The following MEGF6 variants were observed in gnomAD, a reference collection of about 807,000 sequenced individuals.
The protein encoded by MEGF6 is multiple EGF like domains 6, also known as multiple epidermal growth factor-like domains protein 6.
MEGF6 carries 184 observed loss-of-function variants against 207.1 expected under a neutral mutation model. The observed-to-expected ratio is 0.89, with a 90% CI of 0.79 to 1.00. MEGF6 has a LOEUF of 1.00. Among genes scored for constraint, MEGF6 ranks in the 50% least tolerant of loss-of-function variants. MEGF6 has a pLI of 0.00. For synonymous variants in MEGF6, 1,038 were observed against 910.0 expected, an observed-to-expected ratio of 1.14 and a Z score of -2.53; for missense variants, 2,282 against 2,202.9, an observed-to-expected ratio of 1.04 and a Z score of -0.72.
chr1:3,490,791 G>A, intron 36 of MEGF6, 121 bp downstream of exon 36: 1 of 1,350,658 alleles, frequency 7.4e-7, no homozygotes, highest in Non-Finnish European at 1.0e-6. Flanking sequence ...GATTCCTGGG[G>A]CCCAAGGCCC....
Position 3,493,903 on chromosome 1 carries a change from G to T in MEGF6, c.4259-4C>A. 6.3e-7 allele frequency: 1 copy of T among 1,587,258 alleles called. No individual in the cohort carries two copies. The highest frequency in any genetic ancestry group is 1.8e-5 in the Admixed American group (1 of 55,518). Reference sequence around the variant, plus strand: ...CCAAATGAACCTGGCTCACACCCTGGTGGGGGCAGTGGGCTCAGTGTCCCC... The same window carrying T: ...CCAAATGAACCTGGCTCACACCCTGTTGGGGGCAGTGGGCTCAGTGTCCCC... On this transcript the variant is annotated splice_polypyrimidine_tract_variant and splice_region_variant and intron_variant, in intron 33 of 36. Transcript: ENST00000356575.
chr1:3,587,228 C>T (rs989417249), intron 3 of MEGF6, among the ~76,000 whole-genome samples: 3 of 152,352 alleles, frequency 2.0e-5, no homozygotes, highest in Admixed American at 1.3e-4. Context: ...GAGGACTCCG[C>T]GGTCATAACA....
chr1:3,505,057 GGC>G, intron 17 of MEGF6, 149 bp downstream of exon 17: 2 of 1,116,506 alleles, frequency 1.8e-6, no homozygotes, highest in East Asian at 2.4e-5. Context: ...CCGGTAGCAA[GGC>G]AACACCGGTA....
At chr1:3,603,348 G>A (rs1302884260) in intron 1 of MEGF6, among the ~76,000 whole-genome samples, 1 of 151,982 alleles carries the variant, frequency 6.6e-6, no homozygotes, top group African/African-American at 2.4e-5. Context: ...ACAGCCACAC[G>A]GGCCAGCACC....
chr1:3,593,342 C>A (rs1320933983), intron 3 of MEGF6, among the ~76,000 whole-genome samples: 1 of 152,194 alleles, frequency 6.6e-6, no homozygotes, highest in African/African-American at 2.4e-5. Context: ...TAGCCAGAGC[C>A]CAGCTCGGGG....
chr1:3,550,745 G>A (rs964336786), intron 4 of MEGF6, among the ~76,000 whole-genome samples: 23 of 152,248 alleles, frequency 1.5e-4, no homozygotes, highest in Admixed American at 1.1e-3. Flanking sequence ...GCAGGGCTCC[G>A]AAGACCCAGC....
At chr1:3,541,112 C>T (rs1480134377) in intron 4 of MEGF6, among the ~76,000 whole-genome samples, 1 of 152,178 alleles carries the variant, frequency 6.6e-6, no homozygotes, top group Non-Finnish European at 1.5e-5. Flanking sequence ...GCACCTGTCC[C>T]CTCTGCCACC....
chr1:3,501,113 G>A lies in MEGF6; in HGVS notation c.2447-19C>T, dbSNP rs1486070446. ...GGGCACACTACAGGCAGGCGAGAGA[G>A]GGTGAGTGGGGCCTGGCCACCTACC... On this transcript the variant is annotated intron_variant, in intron 19 of 36. Coordinates refer to ENST00000356575, the MANE Select transcript of MEGF6 (RefSeq NM_001409.4). The A allele has an allele frequency of 1.2e-6, 2 of 1,612,542 alleles. No individual in the cohort carries two copies. Among genetic ancestry groups the A allele is most frequent in the Admixed American group, 3.3e-5 (2 of 59,992 alleles).
intron 4 of MEGF6, among the ~76,000 whole-genome samples, chr1:3,534,191 T>C (rs1642258336): frequency 6.6e-6 from 1 of 152,004 alleles, no homozygotes; most frequent in South Asian, 2.1e-4. Context: ...CGTGCTAGCG[T>C]CACACATGTC....
At position 3,489,308 on chromosome 1, in the gene MEGF6, G is replaced by A. The variant is rs572349370; in HGVS notation, c.*1220C>T. 1.3e-5 allele frequency among the ~76,000 whole-genome samples: 2 copies of A among 152,214 alleles called. No individual in the cohort carries two copies. Among genetic ancestry groups the A allele is most frequent in the African/African-American group, 4.8e-5 (2 of 41,452 alleles). ...TCTGCCCTGGGGCCTCAGCTACCTT[G>A]GCTGGTTTTAGGGTGATGGGGGCGG... On this transcript the variant is annotated 3_prime_UTR_variant, in exon 37 of 37. Coordinates refer to ENST00000356575, the MANE Select transcript of MEGF6 (RefSeq NM_001409.4).
chr1:3,497,847 C>T (rs541770694), intron 26 of MEGF6, among the ~76,000 whole-genome samples: 87 of 152,278 alleles, frequency 5.7e-4, no homozygotes, highest in African/African-American at 1.8e-3. Flanking sequence ...GTGGGGACGG[C>T]GCCTCTGCTG....
At chr1:3,502,287 C>G (rs958701036) in intron 17 of MEGF6, among the ~76,000 whole-genome samples, 2 of 152,102 alleles carry the variant, frequency 1.3e-5, no homozygotes, top group African/African-American at 4.8e-5. Flanking sequence ...CCTCGGCCAT[C>G]CAGGACCCTG....
Position 3,515,535 on chromosome 1 carries a change from C to G in MEGF6, c.605-8G>C, listed in dbSNP as rs1641512018. On this transcript the variant is annotated splice_region_variant and splice_polypyrimidine_tract_variant and intron_variant, in intron 5 of 36. Transcript: ENST00000356575. ...GGGCGCAGGAGTTAATGGCTGGGGA[C>G]ACAGGGAGGACCCCAAGTCAGCCCA... is the stretch of plus-strand genomic sequence containing the variant. 1 of 1,610,662 alleles carries G rather than the reference C, an allele frequency of 6.2e-7. No individual in the cohort carries two copies. The highest frequency in any genetic ancestry group is 8.5e-7 in the Non-Finnish European group (1 of 1,178,368).
chr1:3,514,769 G>T, intron 6 of MEGF6, 97 bp from the exon 7 acceptor site: 1 of 1,335,538 alleles, frequency 7.5e-7, no homozygotes, highest in Non-Finnish European at 1.0e-6. Context: ...CTCACCCAGT[G>T]CTCTCCCCAC....
intron 30 of MEGF6, 68 bp from the exon 31 acceptor site, chr1:3,494,809 C>T: frequency 6.8e-7 from 1 of 1,467,862 alleles, no homozygotes; most frequent in Non-Finnish European, 9.0e-7. Context: ...GGGATATGTC[C>T]CCACAGGCTG....
At chr1:3,582,676 AC>A (rs1643827621) in intron 3 of MEGF6, among the ~76,000 whole-genome samples, 1 of 151,360 alleles carries the variant, frequency 6.6e-6, no homozygotes, top group Non-Finnish European at 1.5e-5. Flanking sequence ...TCCCTATTAG[AC>A]CCCCATCCAG....
rs375832537 is a variant in MEGF6 at position 3,543,327 on chromosome 1, G to A, written c.482-19081C>T. Among the ~76,000 whole-genome samples the A allele has an allele frequency of 4.6e-5, 7 of 152,384 alleles. No individual in the cohort carries two copies. The South Asian group carries it at 6.2e-4, about 14-fold the overall frequency. On this transcript the variant is annotated intron_variant, in intron 4 of 36. Coordinates refer to ENST00000356575, the MANE Select transcript of MEGF6 (RefSeq NM_001409.4). ...CAGGCCCTGCGGGTGACCAAGCAAC[G>A]CGGCCCTTCCCTGCTCTGAGCAGCC... is the stretch of plus-strand genomic sequence containing the variant.
upstream of MEGF6, among the ~76,000 whole-genome samples, chr1:3,613,751 T>C (rs1205067268): frequency 1.3e-5 from 2 of 152,176 alleles, no homozygotes; most frequent in Non-Finnish European, 2.9e-5. Flanking sequence ...ACAAAAATAC[T>C]CGGCCTCGTG....
chr1:3,577,857 G>A (rs1186628406), intron 4 of MEGF6, among the ~76,000 whole-genome samples: 1 of 152,206 alleles, frequency 6.6e-6, no homozygotes, highest in Non-Finnish European at 1.5e-5. Flanking sequence ...AACCCCCAAA[G>A]ATGCAGAGCC....
Sources: gnomAD v4.1 joint callset for allele counts (sites outside exome capture counted in the v4.1 genomes callset) on GRCh38, gnomAD v4.1.1 for gene constraint, MANE v1.5 for transcripts, NCBI Gene and HGNC (gene_info 2026-07-23, HGNC 2026-07-21) for gene names.